Variants in LINGO2 observed in about 807,000 individuals in gnomAD.
LINGO2 encodes the protein leucine rich repeat and Ig domain containing 2, also known as leucine-rich repeat and immunoglobulin-like domain-containing nogo receptor-interacting protein 2.
In LINGO2, 14 loss-of-function variants were observed where a neutral mutation model predicts 30.6. The observed-to-expected ratio is 0.46, with a 90% CI of 0.30 to 0.72. LINGO2 has a LOEUF of 0.72. Among genes scored for constraint, LINGO2 ranks in the 30% least tolerant of loss-of-function variants. The pLI, the probability that LINGO2 is intolerant of heterozygous loss-of-function variation, is 0.07. For synonymous variants in LINGO2, 317 were observed against 288.5 expected (o/e 1.10, Z -1.00); for missense variants, 729 against 751.7 (o/e 0.97, Z 0.35).
chr9:28,780,236 C>G, the LINGO2 span, among the ~76,000 whole-genome samples: 1 of 152,118 alleles, frequency 6.6e-6, no homozygotes, highest in African/African-American at 2.4e-5. Flanking sequence ...TGTACTCGGT[C>G]TTGCTCAAAT....
At chr9:28,715,803 A>C in the LINGO2 span, among the ~76,000 whole-genome samples, 70 of 152,052 alleles carry the variant, frequency 4.6e-4, 1 homozygote, top group Non-Finnish European at 6.3e-4. Context: ...ACTTAGAAGA[A>C]AGAAAGAAAA....
At chr9:28,858,334 T>C in the LINGO2 span, among the ~76,000 whole-genome samples, 1 of 152,010 alleles carries the variant, frequency 6.6e-6, no homozygotes, top group African/African-American at 2.4e-5. Flanking sequence ...ACTTGGGAAG[T>C]TTTCTCAAAT....
the LINGO2 span, among the ~76,000 whole-genome samples, chr9:28,824,879 G>T: frequency 6.6e-6 from 1 of 152,174 alleles, no homozygotes; most frequent in East Asian, 1.9e-4. Context: ...CTAACTTGTA[G>T]TATGACCTTA....
intron 2 of LINGO2, among the ~76,000 whole-genome samples, chr9:28,390,673 G>A (rs1821793395): frequency 6.6e-6 from 1 of 151,974 alleles, no homozygotes; most frequent in African/African-American, 2.4e-5. Context: ...ACCTTCCTGT[G>A]CTCCTGCTTC....
the LINGO2 span, among the ~76,000 whole-genome samples, chr9:28,878,661 C>A: frequency 5.3e-5 from 8 of 152,178 alleles, no homozygotes; most frequent in African/African-American, 1.9e-4. Context: ...GGCTTCATCC[C>A]TGGGATGCAA....
the LINGO2 span, among the ~76,000 whole-genome samples, chr9:28,923,197 T>C: frequency 3.4e-3 from 516 of 152,298 alleles, 7 homozygotes; most frequent in East Asian, 0.04. Context: ...TTCTTTATCT[T>C]ATAGATGGTT....
chr9:28,287,039 T>C (rs1291824438), intron 4 of LINGO2, among the ~76,000 whole-genome samples: 1 of 152,164 alleles, frequency 6.6e-6, no homozygotes, highest in Non-Finnish European at 1.5e-5. Context: ...GACCTGAGTA[T>C]GTATGGGGCT....
the LINGO2 span, among the ~76,000 whole-genome samples, chr9:28,955,789 C>A: frequency 0.022 from 3,413 of 152,080 alleles, 133 homozygotes; most frequent in African/African-American, 0.078. Context: ...TAAATGGAGA[C>A]ACAGTAAGGA....
At chr9:28,244,601 TA>T (rs1181837658) in intron 4 of LINGO2, among the ~76,000 whole-genome samples, 2 of 151,648 alleles carry the variant, frequency 1.3e-5, no homozygotes, top group African/African-American at 4.8e-5. Flanking sequence ...ATCAACACAA[TA>T]AAAAATGAAT....
chr9:28,286,057 T>C (rs1022771722), intron 4 of LINGO2, among the ~76,000 whole-genome samples: 3 of 152,210 alleles, frequency 2.0e-5, no homozygotes, highest in Non-Finnish European at 4.4e-5. Context: ...TCCCTTTATT[T>C]CAGATTAAAT....
the LINGO2 span, among the ~76,000 whole-genome samples, chr9:29,024,914 A>G: frequency 5.3e-5 from 8 of 152,258 alleles, no homozygotes; most frequent in Middle Eastern, 3.4e-3. Context: ...CTTTAGCTGT[A>G]TTAAACCTGT....
At chr9:28,400,283 G>A (rs760557017) in intron 2 of LINGO2, among the ~76,000 whole-genome samples, 7 of 152,164 alleles carry the variant, frequency 4.6e-5, no homozygotes, top group African/African-American at 7.2e-5. Context: ...CTCAAAGAAC[G>A]TATGAATTTT....
the LINGO2 span, among the ~76,000 whole-genome samples, chr9:28,763,939 C>T: frequency 2.0e-5 from 3 of 151,482 alleles, no homozygotes; most frequent in Non-Finnish European, 4.4e-5. Flanking sequence ...GAAAAAATTC[C>T]TAGAAACATA....
intron 1 of LINGO2, among the ~76,000 whole-genome samples, chr9:28,513,329 C>G (rs965194279): frequency 6.6e-6 from 1 of 152,196 alleles, no homozygotes; most frequent in African/African-American, 2.4e-5. Flanking sequence ...GTCTACATTT[C>G]AGACTCAAAG....
the LINGO2 span, among the ~76,000 whole-genome samples, chr9:29,003,156 C>G: frequency 6.6e-6 from 1 of 151,974 alleles, no homozygotes; most frequent in Non-Finnish European, 1.5e-5. Context: ...TCAGAGAGAG[C>G]CTGGTTCTGC....
At chr9:28,627,946 G>A (rs1463022234) in intron 1 of LINGO2, among the ~76,000 whole-genome samples, 1 of 151,810 alleles carries the variant, frequency 6.6e-6, no homozygotes, top group Non-Finnish European at 1.5e-5. Context: ...ATATAACTAT[G>A]GCAGAAAGAA....
chr9:29,176,237 CCA>C, the LINGO2 span, among the ~76,000 whole-genome samples: 1 of 152,280 alleles, frequency 6.6e-6, no homozygotes, highest in Admixed American at 6.5e-5. Flanking sequence ...CACCTTGCCT[CCA>C]CAGTGTTTTC....
At chr9:28,873,135 G>T in the LINGO2 span, among the ~76,000 whole-genome samples, 1 of 151,936 alleles carries the variant, frequency 6.6e-6, no homozygotes, top group Non-Finnish European at 1.5e-5. Context: ...TTGGGAGGCC[G>T]AGGTGGGCGG....
chr9:29,128,535 T>C, the LINGO2 span, among the ~76,000 whole-genome samples: 1 of 152,154 alleles, frequency 6.6e-6, no homozygotes, highest in African/African-American at 2.4e-5. Context: ...TACAGGCTTT[T>C]GTACTGCTTT....
Sources: gnomAD v4.1 joint callset for allele counts (sites outside exome capture counted in the v4.1 genomes callset) on GRCh38, gnomAD v4.1.1 for gene constraint, MANE v1.5 for transcripts, NCBI Gene and HGNC (gene_info 2026-07-23, HGNC 2026-07-21) for gene names.